The following TREML1 variants were observed in gnomAD, a reference collection of about 807,000 sequenced individuals.
The protein encoded by TREML1 is trem-like transcript 1 protein.
Under a neutral mutation model 22.8 loss-of-function variants are expected in TREML1, and 27 were observed. The observed-to-expected ratio is 1.19, with a 90% confidence interval of 0.87 to 1.64. TREML1 has a LOEUF of 1.64. TREML1 is among the 40% of genes most tolerant of loss of function. The pLI is 0.00. For synonymous variants in TREML1, 153 were observed against 161.9 expected (o/e 0.94, Z 0.42); for missense variants, 356 against 382.0 (o/e 0.93, Z 0.57).
chr6:41,149,512 GAT>G lies in TREML1; in HGVS notation c.*90_*91del. 1 of 1,378,906 alleles carries G rather than the reference GAT, an allele frequency of 7.3e-7. No homozygotes were observed. The highest frequency in any genetic ancestry group is 9.9e-7 in the Non-Finnish European group (1 of 1,006,740). The allele number at this position is 1,378,906 out of a possible 1,614,324, so 85.4% of individuals were successfully genotyped here. ...AGATCTTAAAGTCCCTGGTTGCTCAGATATCCTAAGGATCCTAGGGCATGAGC... is the reference window on the plus strand; with the variant it reads ...AGATCTTAAAGTCCCTGGTTGCTCAGATCCTAAGGATCCTAGGGCATGAGC... On this transcript the variant is annotated 3_prime_UTR_variant, in exon 6 of 6. Transcript: ENST00000426005.
Position 41,153,843 on chromosome 6 carries a change from C to T in TREML1, c.291G>A (p.Glu97=). The change falls in exon 2 of 6, where the codon GAG becomes GAA. Residue 97 remains glutamate, a synonymous_variant. Coordinates refer to ENST00000426005, the MANE Select transcript of TREML1 (RefSeq NM_178174.4). ...LQVEMVTLQE[E]DAGEYGCMVD... ...CCATGCAGCCATACTCGCCAGCATC[C>T]TCTTCCTGCAGGGTAACCATTTCCA... 4 of 1,614,222 alleles carry T rather than the reference C, an allele frequency of 2.5e-6. No homozygotes were observed. Among genetic ancestry groups the T allele is most frequent in the Non-Finnish European group, 3.4e-6 (4 of 1,180,024 alleles).
In TREML1 at chr6:41,153,764, G is replaced by A. The variant is rs749087588; in HGVS notation, c.370C>T (p.Pro124Ser). The change falls in exon 2 of 6, where the codon CCC (proline) becomes TCC (serine). Residue 124 changes from proline to serine, a missense_variant. Physicochemically the swap from Pro to Ser is moderately conservative, Grantham distance 74 (BLOSUM62 -1). Coordinates refer to ENST00000426005, the MANE Select transcript of TREML1 (RefSeq NM_178174.4). Reference sequence around the variant, plus strand: ...CTGGCCTAGGATAACTCACCTGGGGGCAGTATGTTCAGAGAGACTCTGTGC... The same window carrying A: ...CTGGCCTAGGATAACTCACCTGGGGACAGTATGTTCAGAGAGACTCTGTGC... ...ILHRVSLNIL[P>S]PEEEEETHKI... 3.7e-6 allele frequency: 6 copies of A among 1,604,562 alleles called. No homozygotes were observed. The African/African-American group carries it at 6.7e-5, about 18-fold the overall frequency.
chr6:41,149,823 T>C lies in TREML1; in HGVS notation c.717A>G (p.Ser239=), dbSNP rs1353318824. 3.1e-6 allele frequency: 5 copies of C among 1,614,064 alleles called. No individual in the cohort carries two copies. The East Asian group carries it at 1.1e-4, about 36-fold the overall frequency. The part of the protein sequence containing the change: ...VPHIRLDSPP[S]FDNTTYTSLP... ...GGCTGGTGTAGGTGGTATTGTCAAA[T>C]GAAGGTGGTGAGTCAAGCCTAATGT... Residue 239 remains serine (S), a synonymous_variant, in exon 6 of 6, where the codon TCA becomes TCG. Coordinates refer to ENST00000426005, the MANE Select transcript of TREML1 (RefSeq NM_178174.4).
At chr6:41,150,983 T>G in intron 3 of TREML1, 76 bp from the exon 4 acceptor site, 3 of 1,265,312 alleles carry the variant, frequency 2.4e-6, no homozygotes, top group Non-Finnish European at 3.5e-6. Context: ...CCTGGAGCAG[T>G]GACAGAAGGG....
intron 5 of TREML1, 134 bp downstream of exon 5, chr6:41,150,127 A>G (rs1765206556): frequency 7.4e-6 from 8 of 1,081,906 alleles, no homozygotes; most frequent in Non-Finnish European, 1.1e-5. Context: ...TCAAGTTTAC[A>G]GCATTTAGGA....
intron 1 of TREML1, 64 bp downstream of exon 1, chr6:41,154,182 C>A: frequency 6.3e-7 from 1 of 1,593,338 alleles, no homozygotes; most frequent in African/African-American, 1.3e-5. Flanking sequence ...CACAATAACA[C>A]GTTACTCCTG....
At chr6:41,151,416 C>T (rs1765243503) in intron 2 of TREML1, 32 bp from the exon 3 acceptor site, 2 of 1,591,642 alleles carry the variant, frequency 1.3e-6, no homozygotes, top group Middle Eastern at 3.4e-4. Flanking sequence ...CAGAAGGAAA[C>T]ATTTAATGAG....
At position 41,150,310 on chromosome 6, in the gene TREML1, T is replaced by C; in HGVS notation, c.572A>G (p.Asn191Ser). The part of the protein sequence containing the change: ...FAVMAKRKQG[N>S]RLGVCGRFLS... ...GAATCGGCCACAGACACCAAGCCTGTTCCCTGGCAGGACAGACAACAGCAG... is the reference window on the plus strand; with the variant it reads ...GAATCGGCCACAGACACCAAGCCTGCTCCCTGGCAGGACAGACAACAGCAG... Residue 191 changes from asparagine (N) to serine (S), a missense_variant, in exon 5 of 6, where the codon AAC (asparagine) becomes AGC (serine). Physicochemically the swap from Asn to Ser is conservative, Grantham distance 46. Transcript: ENST00000426005. 1.2e-6 allele frequency: 2 copies of C among 1,613,986 alleles called. No individual in the cohort carries two copies. Among genetic ancestry groups the C allele is most frequent in the Non-Finnish European group, 1.7e-6 (2 of 1,179,944 alleles).
In TREML1 at chr6:41,149,395, C is replaced by T. The variant is rs1765181736; in HGVS notation, c.*209G>A. 1.8e-6 allele frequency: 1 copy of T among 552,936 alleles called. No individual in the cohort carries two copies. The highest frequency in any genetic ancestry group is 3.2e-6 in the Non-Finnish European group (1 of 312,566). 34.3% of individuals were successfully genotyped at this position (552,936 alleles called of 1,614,324 possible). On this transcript the variant is annotated 3_prime_UTR_variant, in exon 6 of 6. Coordinates refer to ENST00000426005, the MANE Select transcript of TREML1 (RefSeq NM_178174.4). ...GCCCAGTGTGTAATGGTAGAAGAAC[C>T]AGTGGGGGAGTTGGGTGCAGGGAGG...
chr6:41,151,286 T>C lies in TREML1; in HGVS notation c.475A>G (p.Lys159Glu), dbSNP rs370989500. 4.5e-5 allele frequency: 72 copies of C among 1,613,990 alleles called. No individual in the cohort carries two copies. Among genetic ancestry groups the C allele is most frequent in the Non-Finnish European group, 5.8e-5 (68 of 1,179,970 alleles). The change falls in exon 3 of 6, where the codon AAG (lysine) becomes GAG (glutamate). Residue 159 changes from lysine (K) to glutamate (E), a missense_variant. Physicochemically the swap from Lys to Glu is moderately conservative, Grantham distance 56. Coordinates refer to ENST00000426005, the MANE Select transcript of TREML1 (RefSeq NM_178174.4). ...CAAATCCAATCCTGTCAGTACCTCT[T>C]CTCATCCTGGCTGGGTTCCAAAGGG... ...ANPLEPSQDE[K>E]SIPLIWGAVL...
rs748363909 is a variant in TREML1, at chr6:41,149,688, T to G, written c.852A>C (p.Val284=). ...CACCCTTGTTCCCTCCCGGGAAGAT[T>G]ACTGTGGCATATGTCACAGGCTTGG... ...VCSKPVTYAT[V]IFPGGNKGGG... Residue 284 remains valine (V), a synonymous_variant, in exon 6 of 6, where the codon GTA becomes GTC. Coordinates refer to ENST00000426005, the MANE Select transcript of TREML1 (RefSeq NM_178174.4). 6.2e-7 allele frequency: 1 copy of G among 1,614,162 alleles called. No individual in the cohort carries two copies. Among genetic ancestry groups the G allele is most frequent in the Non-Finnish European group, 8.5e-7 (1 of 1,180,034 alleles).
intron 1 of TREML1, 43 bp from the exon 2 acceptor site, chr6:41,154,133 A>G (rs756982658): frequency 1.3e-6 from 2 of 1,595,054 alleles, no homozygotes. Context: ...AGGAGCTGGG[A>G]GCATCTCCCA....
chr6:41,150,947 C>T, intron 3 of TREML1, 40 bp from the exon 4 acceptor site: 1 of 1,579,978 alleles, frequency 6.3e-7, no homozygotes, highest in Non-Finnish European at 8.7e-7. Context: ...AGACCTGAAG[C>T]CTGTGGGGAG....
chr6:41,152,501 T>A (rs1328895098), intron 2 of TREML1, among the ~76,000 whole-genome samples: 2 of 152,154 alleles, frequency 1.3e-5, no homozygotes, highest in Non-Finnish European at 2.9e-5. Flanking sequence ...ATTTATAATA[T>A]AAAACAATAA....
intron 4 of TREML1, 70 bp downstream of exon 4, chr6:41,150,749 G>A: frequency 7.2e-7 from 1 of 1,389,498 alleles, no homozygotes; most frequent in South Asian, 1.2e-5. Context: ...CTAGACTCCT[G>A]GCCTCATCTG....
chr6:41,149,566 AG>A lies in TREML1; in HGVS notation c.*37del. On this transcript the variant is annotated 3_prime_UTR_variant, in exon 6 of 6. Transcript: ENST00000426005. ...GGCTGGATGGATGCACAGAACCCCTAGGGATGGTCCTCATGAGTTTAAAGTG... is the reference window on the plus strand; with the variant it reads ...GGCTGGATGGATGCACAGAACCCCTAGGATGGTCCTCATGAGTTTAAAGTG... The A allele has an allele frequency of 6.4e-7, 1 of 1,573,134 alleles. No homozygotes were observed. The highest frequency in any genetic ancestry group is 8.6e-7 in the Non-Finnish European group (1 of 1,156,170).
chr6:41,155,375 T>TTCTCTCTCTCTCTCTCTCTC (rs3049085), upstream of TREML1, among the ~76,000 whole-genome samples: 4,503 of 136,616 alleles, frequency 0.033, 222 homozygotes, highest in African/African-American at 0.075. Context: ...GAGTAAACGT[T>TTCTCTCTCTCTCTCTCTCTC]TCTCTCTCTC....
intron 5 of TREML1, 94 bp from the exon 6 acceptor site, chr6:41,150,012 A>G (rs1765204412): frequency 1.6e-6 from 2 of 1,267,440 alleles, no homozygotes; most frequent in Admixed American, 2.0e-5. Context: ...TATCTCTTGA[A>G]TCCTGAGTAT....
chr6:41,154,857 C>T (rs1765380238), upstream of TREML1, among the ~76,000 whole-genome samples: 1 of 152,174 alleles, frequency 6.6e-6, no homozygotes. Context: ...TCTGGATCCA[C>T]ATTCTTCAGT....
Sources: allele counts gnomAD v4.1 joint callset (sites outside exome capture counted in the v4.1 genomes callset), GRCh38; gene constraint gnomAD v4.1.1; transcripts MANE v1.5; gene names NCBI Gene and HGNC (gene_info 2026-07-23, HGNC 2026-07-21).